Variants in NAA16 observed in about 807,000 individuals in gnomAD.
NAA16 encodes the protein NARG1-like protein.
A neutral mutation model predicts 110.3 loss-of-function variants in NAA16; 97 were observed. The observed-to-expected ratio is 0.88, with a 90% CI of 0.75 to 1.04. The LOEUF (loss-of-function observed/expected upper bound fraction) is 1.04. Among genes scored for constraint, NAA16 ranks in the 50% least tolerant of loss-of-function variants. The pLI, the probability that NAA16 is intolerant of heterozygous loss-of-function variation, is 0.00. For missense variants in NAA16, 1,017 were observed against 1,005.1 expected, an observed-to-expected ratio of 1.01 and a Z score of -0.16; for synonymous variants, 372 against 330.6, an observed-to-expected ratio of 1.13 and a Z score of -1.36.
intron 13 of NAA16, 49 bp from the exon 14 acceptor site, chr13:41,367,390 C>A: frequency 7.7e-7 from 1 of 1,301,304 alleles, no homozygotes; most frequent in Non-Finnish European, 1.1e-6. Flanking sequence ...TAAAGGTAGA[C>A]ATTATTGACA....
chr13:41,315,714 C>G (rs890174690), intron 1 of NAA16, among the ~76,000 whole-genome samples: 1 of 152,116 alleles, frequency 6.6e-6, no homozygotes, highest in South Asian at 2.1e-4. Flanking sequence ...TTCATTCTTG[C>G]GGTAGCAAAG....
chr13:41,324,844 G>T (rs1348707762), intron 5 of NAA16, among the ~76,000 whole-genome samples: 1 of 151,170 alleles, frequency 6.6e-6, no homozygotes, highest in Non-Finnish European at 1.5e-5. Context: ...GGCTAGCTGG[G>T]ACTACAGGTA....
chr13:41,344,212 G>A (rs976256872), intron 9 of NAA16, among the ~76,000 whole-genome samples: 9 of 152,136 alleles, frequency 5.9e-5, no homozygotes, highest in Admixed American at 4.6e-4. Context: ...AGATAAATTC[G>A]TTTTTCACAA....
intron 13 of NAA16, among the ~76,000 whole-genome samples, chr13:41,365,886 G>C (rs949297462): frequency 6.6e-6 from 1 of 152,098 alleles, no homozygotes; most frequent in Non-Finnish European, 1.5e-5. Context: ...CCTTTTTTCA[G>C]ATGTTTCTCA....
chr13:41,323,644 G>A (rs1355526678), intron 5 of NAA16, among the ~76,000 whole-genome samples: 6 of 151,082 alleles, frequency 4.0e-5, no homozygotes, highest in African/African-American at 1.2e-4. Context: ...GAGCCACCGC[G>A]CCCGGCCATT....
intron 4 of NAA16, among the ~76,000 whole-genome samples, chr13:41,321,086 G>A (rs1199863627): frequency 6.6e-6 from 1 of 152,196 alleles, no homozygotes; most frequent in Non-Finnish European, 1.5e-5. Flanking sequence ...GATCGCTTGA[G>A]GCTGGGAGTT....
At chr13:41,341,599 C>G (rs1055030791) in intron 9 of NAA16, among the ~76,000 whole-genome samples, 1 of 151,666 alleles carries the variant, frequency 6.6e-6, no homozygotes, top group Non-Finnish European at 1.5e-5. Context: ...TACCTGCACT[C>G]CCAGCTACTT....
At chr13:41,314,245 C>G (rs904029617) in intron 1 of NAA16, among the ~76,000 whole-genome samples, 3 of 152,084 alleles carry the variant, frequency 2.0e-5, no homozygotes, top group Non-Finnish European at 4.4e-5. Context: ...TAGGTGTTAA[C>G]TATTATTACT....
At chr13:41,338,879 G>A (rs1228812697) in intron 9 of NAA16, among the ~76,000 whole-genome samples, 2 of 152,082 alleles carry the variant, frequency 1.3e-5, no homozygotes, top group Non-Finnish European at 2.9e-5. Context: ...AGTGTGCACT[G>A]CACCCCAGGA....
rs1211640669 is a variant in NAA16 at position 41,325,470 on chromosome 13, A to C, written c.538-228A>C. 2.6e-5 allele frequency among the ~76,000 whole-genome samples: 4 copies of C among 151,778 alleles called. No homozygotes were observed. In the East Asian group the frequency reaches 7.7e-4, roughly 29 times the overall value. The stretch of plus-strand genomic sequence containing the variant: ...TTCAACCATTTTTATATTTGTATGT[A>C]GGATTTCTTGACCTGTGTCACTTGG... On this transcript the variant is annotated intron_variant, in intron 5 of 19. Transcript: ENST00000379406.
rs1259608151 is a variant in NAA16 at position 41,336,741 on chromosome 13, T to G, written c.999T>G (p.Tyr333Ter). The G allele has an allele frequency of 1.9e-6, 3 of 1,596,280 alleles. No homozygotes were observed. The Admixed American group carries it at 5.1e-5, about 27-fold the overall frequency. Residue 333 changes from tyrosine (Y) to a stop codon, truncating the protein, a stop_gained, in exon 9 of 20, where the codon TAT becomes TAG. Coordinates refer to ENST00000379406, the MANE Select transcript of NAA16 (RefSeq NM_024561.5). LOFTEE classifies it high-confidence loss of function. ...PPLFTTLKSL[Y>*]YNTEKVSIIQ... ...TGTTTACTACTTTGAAATCTTTATA[T>G]TACAATACAGAAAAGGTAAAATTTG...
rs377503000 is a variant in NAA16 at position 41,346,151 on chromosome 13, C to T, written c.1015-8993C>T. ...TGCATTGAGGCATTCACTCTGAGTT[C>T]ATTTTGTATATGGTGTGGTAGGAGT... On this transcript the variant is annotated intron_variant, in intron 9 of 19. Transcript: ENST00000379406. 6.4e-4 allele frequency among the ~76,000 whole-genome samples: 98 copies of T among 152,290 alleles called. 1 individual carries two copies. Among genetic ancestry groups the T allele is most frequent in the African/African-American group, 2.1e-3 (86 of 41,558 alleles).
intron 17 of NAA16, chr13:41,373,211 T>C (rs1252786162): frequency 2.4e-6 from 2 of 848,658 alleles, no homozygotes; most frequent in East Asian, 1.2e-4. Context: ...ATAATAATTA[T>C]ACTATGTAAA....
Position 41,320,745 on chromosome 13 carries a change from A to G in NAA16, c.323A>G (p.Lys108Arg), listed in dbSNP as rs1489457777. The G allele has an allele frequency of 6.2e-7, 1 of 1,613,536 alleles. No individual in the cohort carries two copies. Among genetic ancestry groups the G allele is most frequent in the Non-Finnish European group, 8.5e-7 (1 of 1,179,950 alleles). Reference protein sequence around the residue: ...EAIKCYRNALKLDKDNLQILR... With the variant: ...EAIKCYRNALRLDKDNLQILR... ...ATAAAATGTTACCGAAATGCCCTCA[A>G]ATTAGATAAAGATAACCTGCAAATT... The change falls in exon 4 of 20, where the codon AAA becomes AGA. Residue 108 changes from lysine (K) to arginine (R), a missense_variant. Lys to Arg is a conservative substitution (Grantham distance 26). Coordinates refer to ENST00000379406, the MANE Select transcript of NAA16 (RefSeq NM_024561.5).
chr13:41,323,319 G>C, intron 5 of NAA16, 129 bp downstream of exon 5: 1 of 877,208 alleles, frequency 1.1e-6, no homozygotes, highest in East Asian at 2.5e-5. Flanking sequence ...GACGTAATTG[G>C]AAACAGTTAA....
chr13:41,351,252 A>G (rs2042827774), intron 9 of NAA16, among the ~76,000 whole-genome samples: 1 of 152,204 alleles, frequency 6.6e-6, no homozygotes, highest in Non-Finnish European at 1.5e-5. Flanking sequence ...AAGAAATGGT[A>G]ATTTTCCCTT....
chr13:41,352,561 AG>A (rs1447574862), intron 9 of NAA16, among the ~76,000 whole-genome samples: 1 of 152,124 alleles, frequency 6.6e-6, no homozygotes, highest in Non-Finnish European at 1.5e-5. Flanking sequence ...AGGCTGAGGC[AG>A]GAGAATTGCT....
chr13:41,355,259 C>A, intron 10 of NAA16, 43 bp downstream of exon 10: 1 of 1,180,590 alleles, frequency 8.5e-7, no homozygotes, highest in South Asian at 1.3e-5. Context: ...TTACTCATTT[C>A]ATTTTTAATC....
At chr13:41,349,642 C>G (rs1363312468) in intron 9 of NAA16, among the ~76,000 whole-genome samples, 1 of 152,070 alleles carries the variant, frequency 6.6e-6, no homozygotes, top group East Asian at 1.9e-4. Context: ...TTTTGTTCAA[C>G]TAAAGGTAAC....
Sources: gnomAD v4.1 joint callset for allele counts (sites outside exome capture counted in the v4.1 genomes callset) on GRCh38, gnomAD v4.1.1 for gene constraint, MANE v1.5 for transcripts, NCBI Gene and HGNC (gene_info 2026-07-23, HGNC 2026-07-21) for gene names.